NLRP5: variants seen among roughly 807,000 people sequenced by gnomAD.
NLRP5 encodes NACHT, LRR and PYD domains-containing protein 5.
NLRP5 carries 93 observed loss-of-function variants against 113.1 expected under a neutral mutation model. The observed-to-expected ratio is 0.82, with a 90% CI of 0.70 to 0.98. The LOEUF (loss-of-function observed/expected upper bound fraction) is 0.98. Among genes scored for constraint, NLRP5 ranks in the 50% least tolerant of loss-of-function variants. The probability of loss-of-function intolerance (pLI) is 0.00; values close to 1 mark genes in which losing one functional copy is unlikely to be tolerated. For synonymous variants in NLRP5, 751 were observed against 600.7 expected (o/e 1.25, Z -3.66); for missense variants, 1,808 against 1,514.3 (o/e 1.19, Z -3.22).
chr19:56,011,387 G>C (rs986825354), intron 3 of NLRP5, among the ~76,000 whole-genome samples: 27 of 152,058 alleles, frequency 1.8e-4, no homozygotes, highest in African/African-American at 6.5e-4. Context: ...TTTTCTCGTT[G>C]AGGGTGATTA....
chr19:56,026,852 A>G, intron 6 of NLRP5, 61 bp from the exon 7 acceptor site: 11 of 1,492,984 alleles, frequency 7.4e-6, no homozygotes, highest in Non-Finnish European at 9.9e-6. Context: ...CTGGGATGAC[A>G]GGTGCGAGCC....
chr19:56,029,116 C>T (rs1051928688), intron 7 of NLRP5, among the ~76,000 whole-genome samples: 3 of 151,984 alleles, frequency 2.0e-5, no homozygotes, highest in South Asian at 2.1e-4. Flanking sequence ...TGTCCAGGGC[C>T]GTGCTGTCCA....
chr19:56,034,164 A>G (rs1038489597), intron 9 of NLRP5, among the ~76,000 whole-genome samples: 6 of 152,098 alleles, frequency 3.9e-5, no homozygotes, highest in African/African-American at 7.2e-5. Flanking sequence ...CGAGGCAGGC[A>G]GATCACTTGA....
intron 1 of NLRP5, among the ~76,000 whole-genome samples, chr19:56,003,341 A>T (rs993250671): frequency 3.3e-5 from 5 of 152,152 alleles, no homozygotes; most frequent in African/African-American, 1.2e-4. Context: ...TTTAATAGAG[A>T]TGGAGTTTCA....
chr19:56,058,551 G>A (rs386875), intron 14 of NLRP5, 141 bp downstream of exon 14: 142,680 of 676,724 alleles, frequency 0.21, 16,225 homozygotes, highest in Non-Finnish European at 0.24. Flanking sequence ...TGCCCACTAC[G>A]TTCTGAGTAC....
intron 2 of NLRP5, among the ~76,000 whole-genome samples, chr19:56,007,942 A>G (rs1450390896): frequency 1.6e-5 from 2 of 126,722 alleles, no homozygotes; most frequent in African/African-American, 6.8e-5. Flanking sequence ...TGTTTGAAAC[A>G]GAGTCTTGCT....
chr19:55,996,579 A>G (rs1267605049), upstream of NLRP5, among the ~76,000 whole-genome samples: 2 of 152,130 alleles, frequency 1.3e-5, no homozygotes, highest in East Asian at 1.9e-4. Context: ...GAGTGAGAAC[A>G]TGTGGTGTTT....
chr19:56,003,342 T>C (rs1026524127), intron 1 of NLRP5, among the ~76,000 whole-genome samples: 3 of 152,168 alleles, frequency 2.0e-5, no homozygotes, highest in East Asian at 1.9e-4. Context: ...TTAATAGAGA[T>C]GGAGTTTCAC....
At chr19:56,050,348 C>T in intron 11 of NLRP5, 70 bp from the exon 12 acceptor site, 2 of 1,438,394 alleles carry the variant, frequency 1.4e-6, no homozygotes, top group South Asian at 2.5e-5. Flanking sequence ...GGGAGGAGAG[C>T]AGCAGCTCAC....
rs148860900 is a variant in NLRP5, at chr19:56,030,527, C to G, written c.2276+2018C>G. 5.1e-4 allele frequency among the ~76,000 whole-genome samples: 77 copies of G among 152,140 alleles called. No individual in the cohort carries two copies. In the East Asian group the frequency reaches 0.013, roughly 26 times the overall value. Reference sequence around the variant, plus strand: ...CAGTGCAGAAAGAAAGAACAGCTTGCCCGTTACTTTGTTCTTTCCACAGCC... The same window carrying G: ...CAGTGCAGAAAGAAAGAACAGCTTGGCCGTTACTTTGTTCTTTCCACAGCC... On this transcript the variant is annotated intron_variant, in intron 7 of 14. Coordinates refer to ENST00000390649, the MANE Select transcript of NLRP5 (RefSeq NM_153447.4).
At position 56,061,341 on chromosome 19, in the gene NLRP5, G is replaced by A. The variant is rs964398654; in HGVS notation, c.3471-55G>A. On this transcript the variant is annotated intron_variant, in intron 14 of 14. Coordinates refer to ENST00000390649, the MANE Select transcript of NLRP5 (RefSeq NM_153447.4). ...TGAGGCTACCAGGAATTTTGAAGAA[G>A]GGAGAAGAGTCGAAAGCAACATCTC... 2.6e-5 allele frequency: 42 copies of A among 1,585,056 alleles called. No individual in the cohort carries two copies. In the African/African-American group the frequency reaches 4.8e-4, roughly 18 times the overall value.
chr19:56,046,997 TTATC>T (rs1297318244), intron 11 of NLRP5, among the ~76,000 whole-genome samples: 1 of 152,224 alleles, frequency 6.6e-6, no homozygotes, highest in Non-Finnish European at 1.5e-5. Flanking sequence ...TTCTAGGAAT[TTATC>T]CATGTCTTCT....
chr19:56,011,167 A>ATATATATACT (rs1982175960), intron 3 of NLRP5, among the ~76,000 whole-genome samples: 1 of 67,652 alleles, frequency 1.5e-5, no homozygotes, highest in African/African-American at 4.0e-5. Context: ...AAATATATAT[A>ATATATATACT]CACACATACA....
intron 2 of NLRP5, among the ~76,000 whole-genome samples, chr19:56,007,694 C>G (rs492221): frequency 0.16 from 23,795 of 150,968 alleles, 2,358 homozygotes; most frequent in East Asian, 0.27. Flanking sequence ...TCAAACTTTC[C>G]TTTCAGCACT....
chr19:56,008,706 G>C (rs1385189441), intron 2 of NLRP5, 82 bp from the exon 3 acceptor site: 3 of 1,222,562 alleles, frequency 2.5e-6, no homozygotes, highest in African/African-American at 1.5e-5. Context: ...TCCATAATTT[G>C]GACACGGGAC....
intron 3 of NLRP5, among the ~76,000 whole-genome samples, chr19:56,010,844 T>C (rs974712563): frequency 1.3e-5 from 2 of 150,966 alleles, no homozygotes; most frequent in Non-Finnish European, 1.5e-5. Flanking sequence ...CAATAGTATA[T>C]TATTTGGCAT....
At chr19:56,050,618 C>T in intron 12 of NLRP5, 30 bp downstream of exon 12, 1 of 1,605,024 alleles carries the variant, frequency 6.2e-7, no homozygotes, top group Non-Finnish European at 8.5e-7. Context: ...TGGGTCAACT[C>T]TATCATACTG....
chr19:55,990,463 G>T, the NLRP5 span, among the ~76,000 whole-genome samples: 1 of 152,180 alleles, frequency 6.6e-6, no homozygotes, highest in South Asian at 2.1e-4. Flanking sequence ...GGCCGAGGCA[G>T]GTGGATCATT....
chr19:56,011,153 T>TAA (rs1162361077), intron 3 of NLRP5, among the ~76,000 whole-genome samples: 17 of 120,386 alleles, frequency 1.4e-4, no homozygotes, highest in Non-Finnish European at 2.1e-4. Context: ...ACTATGTCTT[T>TAA]AAAAAATATA....
Sources: gnomAD v4.1 joint callset for allele counts (sites outside exome capture counted in the v4.1 genomes callset) on GRCh38, gnomAD v4.1.1 for gene constraint, MANE v1.5 for transcripts, NCBI Gene and HGNC (gene_info 2026-07-23, HGNC 2026-07-21) for gene names.